Variants in TNKS2 observed in about 807,000 individuals in gnomAD.
TNKS2 encodes the protein tankyrase 2.
TNKS2 carries 72 observed loss-of-function variants against 137.6 expected under a neutral mutation model. The observed-to-expected ratio is 0.52, with a 90% CI of 0.43 to 0.64. TNKS2 has a LOEUF of 0.64. Among genes scored for constraint, TNKS2 ranks in the 30% least tolerant of loss-of-function variants. The pLI, the probability that TNKS2 is intolerant of heterozygous loss-of-function variation, is 0.00. For missense variants in TNKS2, 1,049 were observed against 1,410.2 expected, an observed-to-expected ratio of 0.74 and a Z score of 4.10; for synonymous variants, 516 against 512.1, an observed-to-expected ratio of 1.01 and a Z score of -0.10.
At chr10:91,807,063 T>G in intron 1 of TNKS2, 1 of 1,299,860 alleles carries the variant, frequency 7.7e-7, no homozygotes. Flanking sequence ...AAAAATGACC[T>G]CTAAGCTTCT....
Position 91,857,469 on chromosome 10 carries a change from C to G in TNKS2, c.3033C>G (p.His1011Gln). The change falls in exon 24 of 27, where the codon CAC becomes CAG. Residue 1011 changes from histidine to glutamine, a missense_variant. By Grantham distance (24) the His-to-Gln change is conservative (BLOSUM62 0). This residue lies in a region of TNKS2 where 133 missense variants were observed against 248.4 expected (regional missense o/e 0.54). Transcript: ENST00000371627. The part of the protein sequence containing the change: ...CNKKLWERYT[H>Q]RRKEVSEENH... ...AGAAACTATGGGAAAGATACACTCA[C>G]CGGAGAAAAGAAGTTTCTGAAGAAA... 2 of 1,611,630 alleles carry G rather than the reference C, an allele frequency of 1.2e-6. No homozygotes were observed. Among genetic ancestry groups the G allele is most frequent in the Non-Finnish European group, 1.7e-6 (2 of 1,178,472 alleles).
Position 91,842,214 on chromosome 10 carries a change from C to A in TNKS2, c.1882C>A (p.Pro628Thr). ...AAAAAAAAACAGGGATGGAAATACT[C>A]CTTTGGATCTTGTTAAAGATGGAGA... ...PTKKNRDGNT[P>T]LDLVKDGDTD... The change falls in exon 16 of 27, where the codon CCT becomes ACT. Residue 628 changes from proline (P) to threonine (T), a missense_variant. Transcript: ENST00000371627. 6.2e-7 allele frequency: 1 copy of A among 1,613,916 alleles called. No homozygotes were observed. The highest frequency in any genetic ancestry group is 8.5e-7 in the Non-Finnish European group (1 of 1,179,942).
chr10:91,836,108 T>C (rs1031023228), intron 12 of TNKS2, among the ~76,000 whole-genome samples: 1 of 149,386 alleles, frequency 6.7e-6, no homozygotes, highest in Admixed American at 6.7e-5. Flanking sequence ...AATGGCGTTA[T>C]CTTGGCTCAC....
intron 25 of TNKS2, among the ~76,000 whole-genome samples, chr10:91,861,435 C>G (rs1842846938): frequency 6.6e-6 from 1 of 152,034 alleles, no homozygotes; most frequent in Admixed American, 6.6e-5. Context: ...GTGACTTGAT[C>G]TAATTTTTGT....
intron 13 of TNKS2, among the ~76,000 whole-genome samples, chr10:91,839,291 T>G (rs1178742297): frequency 6.6e-6 from 1 of 152,178 alleles, no homozygotes; most frequent in Non-Finnish European, 1.5e-5. Flanking sequence ...CACAGAAAAT[T>G]GACTGTTTTC....
intron 1 of TNKS2, among the ~76,000 whole-genome samples, chr10:91,806,911 A>T (rs1216050954): frequency 6.6e-6 from 1 of 152,288 alleles, no homozygotes; most frequent in South Asian, 2.1e-4. Context: ...AAACAATTAC[A>T]TGTTTTACCT....
At chr10:91,808,024 A>ATAAG (rs61373955) in intron 1 of TNKS2, among the ~76,000 whole-genome samples, 76,343 of 147,722 alleles carry the variant, frequency 0.52, 20,265 homozygotes, top group East Asian at 0.71. Flanking sequence ...AGTCTAGAAA[A>ATAAG]TAAGGCAGTA....
intron 1 of TNKS2, among the ~76,000 whole-genome samples, chr10:91,803,462 C>T (rs770533438): frequency 2.2e-4 from 34 of 151,922 alleles, no homozygotes; most frequent in Admixed American, 3.9e-4. Context: ...GGCAACATGG[C>T]GAAACCCCAT....
At chr10:91,813,322 C>T (rs1041227437) in intron 2 of TNKS2, 115 bp downstream of exon 2, 5 of 935,450 alleles carry the variant, frequency 5.3e-6, no homozygotes, top group South Asian at 1.7e-5. Flanking sequence ...TATTTAAGAA[C>T]ATCCCATGAT....
At chr10:91,828,146 G>A in intron 8 of TNKS2, 139 bp from the exon 9 acceptor site, 1 of 940,540 alleles carries the variant, frequency 1.1e-6, no homozygotes, top group East Asian at 3.0e-5. Flanking sequence ...GTTAAATTTG[G>A]AGAATATCTT....
chr10:91,837,012 T>C lies in TNKS2; in HGVS notation c.1527+14T>C, dbSNP rs888317195. On this transcript the variant is annotated intron_variant, in intron 13 of 26. Transcript: ENST00000371627. Reference sequence around the variant, plus strand: ...GAAACTGTAAAAGTAAGATACAGTGTTACGTTTCTGTTAACTTTGGGTTTT... The same window carrying C: ...GAAACTGTAAAAGTAAGATACAGTGCTACGTTTCTGTTAACTTTGGGTTTT... 6.2e-7 allele frequency: 1 copy of C among 1,610,098 alleles called. No individual in the cohort carries two copies. Among genetic ancestry groups the C allele is most frequent in the South Asian group, 1.1e-5 (1 of 90,076 alleles).
chr10:91,828,119 A>T (rs1295125438), intron 8 of TNKS2, among the ~76,000 whole-genome samples, 166 bp from the exon 9 acceptor site: 1 of 152,144 alleles, frequency 6.6e-6, no homozygotes, highest in Non-Finnish European at 1.5e-5. Flanking sequence ...CTGGAGTACC[A>T]CTGTCTGTTT....
chr10:91,838,752 A>G (rs1169726781), intron 13 of TNKS2, among the ~76,000 whole-genome samples: 1 of 152,204 alleles, frequency 6.6e-6, no homozygotes, highest in Non-Finnish European at 1.5e-5. Flanking sequence ...AAACCCCTTG[A>G]GGTAAACCCA....
At position 91,864,828 on chromosome 10, in the gene TNKS2, G is replaced by A. The variant is rs1231593181; in HGVS notation, c.*1829G>A. The A allele has an allele frequency of 6.6e-6, 1 of 152,440 alleles. No individual in the cohort carries two copies. The highest frequency in any genetic ancestry group is 6.6e-5 in the Admixed American group (1 of 15,248). 9.4% of individuals were successfully genotyped at this position (152,440 alleles called of 1,614,324 possible). A position where few individuals can be genotyped will look rare whatever the true frequency, so the allele number is the denominator to read the frequency against. ...AGAAGATAATGAGAGAATTAATGGG[G>A]TTTATATTTACATTATCTCTCAACT... is the stretch of plus-strand genomic sequence containing the variant. On this transcript the variant is annotated 3_prime_UTR_variant, in exon 27 of 27. Transcript: ENST00000371627.
At chr10:91,803,500 A>G (rs2133583887) in intron 1 of TNKS2, among the ~76,000 whole-genome samples, 1 of 152,314 alleles carries the variant, frequency 6.6e-6, no homozygotes, top group East Asian at 1.9e-4. Context: ...AAAAGTAGCC[A>G]GGCATGGTGG....
intron 12 of TNKS2, chr10:91,836,688 A>G (rs1200915383): frequency 1.0e-6 from 1 of 985,194 alleles, no homozygotes; most frequent in African/African-American, 1.7e-5. Flanking sequence ...ACATTTTATA[A>G]TCATTATACA....
chr10:91,838,937 G>A (rs189661521), intron 13 of TNKS2, among the ~76,000 whole-genome samples: 5 of 152,146 alleles, frequency 3.3e-5, no homozygotes, highest in South Asian at 4.2e-4. Context: ...GCACGATCTC[G>A]GCTCACAGCA....
intron 21 of TNKS2, 105 bp downstream of exon 21, chr10:91,851,441 G>A (rs1842535787): frequency 7.8e-7 from 1 of 1,276,796 alleles, no homozygotes; most frequent in Non-Finnish European, 1.1e-6. Context: ...CTGTTTAATA[G>A]GAAGAATACT....
At chr10:91,823,886 T>C (rs533662117) in intron 7 of TNKS2, among the ~76,000 whole-genome samples, 19 of 152,286 alleles carry the variant, frequency 1.2e-4, no homozygotes, top group Middle Eastern at 3.4e-3. Flanking sequence ...TAATAATAAT[T>C]AGATACTCTG....
Sources: allele counts gnomAD v4.1 joint callset (sites outside exome capture counted in the v4.1 genomes callset), GRCh38; gene constraint gnomAD v4.1.1; regional missense constraint gnomAD v4.1.1; transcripts MANE v1.5; gene names NCBI Gene and HGNC (gene_info 2026-07-23, HGNC 2026-07-21).